ARFGEF1: variants seen among roughly 807,000 people sequenced by gnomAD.
The protein encoded by ARFGEF1 is ARF guanine nucleotide exchange factor 1.
In ARFGEF1, 42 loss-of-function variants were observed where a neutral mutation model predicts 231.0. The ratio of observed to expected loss-of-function variants is 0.18; its 90% CI spans 0.14 to 0.24. The LOEUF (loss-of-function observed/expected upper bound fraction) is 0.24. Ranked by LOEUF, ARFGEF1 falls within the 10% of genes least tolerant of loss-of-function variation. The pLI is 1.00. For synonymous variants in ARFGEF1, 710 were observed against 732.3 expected, an observed-to-expected ratio of 0.97 and a Z score of 0.49; for missense variants, 1,345 against 2,192.0, an observed-to-expected ratio of 0.61 and a Z score of 7.72.
intron 1 of ARFGEF1, among the ~76,000 whole-genome samples, chr8:67,342,042 G>T (rs984957990): frequency 6.6e-6 from 1 of 152,102 alleles, no homozygotes; most frequent in African/African-American, 2.4e-5. Flanking sequence ...AAGTTGTCTA[G>T]ACTCCTTAAC....
At chr8:67,326,994 G>A (rs1435868404) in intron 1 of ARFGEF1, among the ~76,000 whole-genome samples, 3 of 152,146 alleles carry the variant, frequency 2.0e-5, no homozygotes, top group Non-Finnish European at 4.4e-5. Context: ...AAAGCCCAAA[G>A]TACAATCAAC....
At chr8:67,194,975 T>TA (rs1033304814), downstream of ARFGEF1, among the ~76,000 whole-genome samples, 4 of 151,738 alleles carry the variant, frequency 2.6e-5, no homozygotes, top group Non-Finnish European at 5.9e-5. Flanking sequence ...AACCTTGCTT[T>TA]AAAAAAAATA....
At chr8:67,251,942 A>G (rs1840297636) in intron 18 of ARFGEF1, among the ~76,000 whole-genome samples, 1 of 152,134 alleles carries the variant, frequency 6.6e-6, no homozygotes. Context: ...CAACCCAAAT[A>G]TGGAATGGGA....
rs760749334 is a variant in ARFGEF1, at chr8:67,291,829, C to T, written c.916+18G>A. 3.2e-5 allele frequency: 51 copies of T among 1,610,276 alleles called. 1 individual carries two copies. In the Middle Eastern group the frequency reaches 6.6e-4, roughly 21 times the overall value. The stretch of plus-strand genomic sequence containing the variant: ...TTCCCTTAACACACACCCCAAACCC[C>T]CTTTTCAAGAAGATTACTTTCAGCT... On this transcript the variant is annotated intron_variant, in intron 6 of 38. Transcript: ENST00000262215.
At chr8:67,212,375 G>A (rs80037804) in intron 33 of ARFGEF1, among the ~76,000 whole-genome samples, 4,225 of 152,250 alleles carry the variant, frequency 0.028, 90 homozygotes, top group Middle Eastern at 0.058. Context: ...GAGCCACCAC[G>A]CCCAGCCACA....
chr8:67,244,266 A>AAAAAAAAAAAAAAAACAAAAC (rs1563860748), intron 19 of ARFGEF1, among the ~76,000 whole-genome samples: 4 of 17,206 alleles, frequency 2.3e-4, no homozygotes, highest in African/African-American at 1.2e-3. Context: ...AAAAAAAAAA[A>AAAAAAAAAAAAAAAACAAAAC]AACATTCGAC....
intron 19 of ARFGEF1, 118 bp downstream of exon 19, chr8:67,251,181 C>T (rs939817720): frequency 2.6e-5 from 25 of 946,824 alleles, no homozygotes; most frequent in Non-Finnish European, 3.5e-5. Flanking sequence ...TGAATTTCAC[C>T]TCAATATGTC....
At chr8:67,272,265 C>G (rs1198313757) in intron 9 of ARFGEF1, among the ~76,000 whole-genome samples, 1 of 152,108 alleles carries the variant, frequency 6.6e-6, no homozygotes, top group African/African-American at 2.4e-5. Context: ...CTCCCGGGTT[C>G]AAGCGATTCT....
chr8:67,317,124 T>C (rs535295831), intron 1 of ARFGEF1, among the ~76,000 whole-genome samples: 1 of 152,326 alleles, frequency 6.6e-6, no homozygotes, highest in East Asian at 1.9e-4. Context: ...TAAAGCATTC[T>C]GACGACACAA....
At chr8:67,217,033 G>T (rs373265734) in intron 32 of ARFGEF1, among the ~76,000 whole-genome samples, 1 of 151,384 alleles carries the variant, frequency 6.6e-6, no homozygotes. Flanking sequence ...GGCCAGGCGC[G>T]GTGGCTCACG....
chr8:67,213,225 A>G (rs1442234089), intron 33 of ARFGEF1, among the ~76,000 whole-genome samples: 2 of 152,216 alleles, frequency 1.3e-5, no homozygotes, highest in East Asian at 3.8e-4. Flanking sequence ...TGGGGAACAA[A>G]TCTGGTCAGT....
Position 67,299,327 on chromosome 8 carries a change from C to G in ARFGEF1, c.341G>C (p.Gly114Ala). 3.7e-6 allele frequency: 6 copies of G among 1,606,590 alleles called. No homozygotes were observed. Among genetic ancestry groups the G allele is most frequent in the Non-Finnish European group, 5.1e-6 (6 of 1,178,138 alleles). The change falls in exon 4 of 39, where the codon GGC becomes GCC. Residue 114 changes from glycine to alanine, a missense_variant. Around this residue, in one of 14 missense-constraint regions of ARFGEF1, gnomAD observed 398 missense variants for 463.2 expected, o/e 0.86. Coordinates refer to ENST00000262215, the MANE Select transcript of ARFGEF1 (RefSeq NM_006421.5). Reference protein sequence around the residue: ...QKLIAYGHLTGNAPDSTTPGK... With the variant: ...QKLIAYGHLTANAPDSTTPGK... ...TGGTGTTGTACTATCTGGAGCATTG[C>G]CAGTCAAGTGCCCATAAGCAATAAG...
At chr8:67,277,504 G>A (rs369641912) in intron 7 of ARFGEF1, 47 bp from the exon 8 acceptor site, 16 of 1,544,044 alleles carry the variant, frequency 1.0e-5, no homozygotes, top group African/African-American at 5.5e-5. Context: ...TGACTTAACC[G>A]AAGTGTATTT....
At chr8:67,327,994 T>C (rs145504648) in intron 1 of ARFGEF1, among the ~76,000 whole-genome samples, 226 of 152,258 alleles carry the variant, frequency 1.5e-3, no homozygotes, top group African/African-American at 5.2e-3. Flanking sequence ...ACATTTCTCA[T>C]TGTTTTCTAA....
intron 19 of ARFGEF1, among the ~76,000 whole-genome samples, chr8:67,247,397 C>T (rs959515138): frequency 6.7e-6 from 1 of 150,288 alleles, no homozygotes; most frequent in Non-Finnish European, 1.5e-5. Context: ...TCATCATGAC[C>T]AAGTGGGATT....
downstream of ARFGEF1, among the ~76,000 whole-genome samples, chr8:67,194,678 CAGG>C (rs1184128385): frequency 3.4e-5 from 5 of 147,328 alleles, no homozygotes; most frequent in South Asian, 2.2e-4. Flanking sequence ...CTTCACAGAC[CAGG>C]AGAATTAAAA....
intron 14 of ARFGEF1, among the ~76,000 whole-genome samples, chr8:67,262,384 T>C (rs1804669103): frequency 6.6e-6 from 1 of 152,212 alleles, no homozygotes; most frequent in South Asian, 2.1e-4. Context: ...AGCTGCTTCT[T>C]ATAGACAAGT....
At chr8:67,235,860 T>C (rs1839714668) in intron 22 of ARFGEF1, among the ~76,000 whole-genome samples, 1 of 152,172 alleles carries the variant, frequency 6.6e-6, no homozygotes, top group Admixed American at 6.5e-5. Flanking sequence ...ATCTACTATG[T>C]ATTCTTAATA....
chr8:67,214,273 A>G (rs1838849087), intron 33 of ARFGEF1, among the ~76,000 whole-genome samples: 1 of 152,220 alleles, frequency 6.6e-6, no homozygotes, highest in South Asian at 2.1e-4. Flanking sequence ...GATATTAGAT[A>G]CTGATAGGTG....
Sources: gnomAD v4.1 joint callset for allele counts (sites outside exome capture counted in the v4.1 genomes callset) on GRCh38, gnomAD v4.1.1 for gene constraint, gnomAD v4.1.1 regional missense constraint, MANE v1.5 for transcripts, NCBI Gene and HGNC (gene_info 2026-07-23, HGNC 2026-07-21) for gene names.